The following ARHGEF26 variants were observed in gnomAD, a reference collection of about 807,000 sequenced individuals.
The protein encoded by ARHGEF26 is Rho guanine nucleotide exchange factor (GEF) 26.
In ARHGEF26, 59 loss-of-function variants were observed where a neutral mutation model predicts 89.4. That is an observed-to-expected ratio of 0.66 (90% CI 0.54 to 0.82). The LOEUF is 0.82. Ranked by LOEUF, ARHGEF26 falls within the 40% of genes least tolerant of loss-of-function variation. ARHGEF26 has a pLI of 0.00. For synonymous variants in ARHGEF26, 500 were observed against 428.4 expected, an observed-to-expected ratio of 1.17 and a Z score of -2.06; for missense variants, 1,234 against 1,085.6, an observed-to-expected ratio of 1.14 and a Z score of -1.92.
intron 9 of ARHGEF26, among the ~76,000 whole-genome samples, chr3:154,214,597 T>A (rs546923821): frequency 4.6e-5 from 7 of 152,084 alleles, no homozygotes; most frequent in Non-Finnish European, 8.8e-5. Context: ...CATGCTGAAT[T>A]TGAAATGGCT....
At chr3:154,175,803 T>A (rs1040170439) in intron 6 of ARHGEF26, among the ~76,000 whole-genome samples, 2 of 152,238 alleles carry the variant, frequency 1.3e-5, no homozygotes, top group African/African-American at 4.8e-5. Flanking sequence ...CCAGATGGTA[T>A]TTATTTTGCA....
chr3:154,226,542 T>A (rs995024807), intron 11 of ARHGEF26, among the ~76,000 whole-genome samples: 4 of 152,202 alleles, frequency 2.6e-5, no homozygotes, highest in Non-Finnish European at 5.9e-5. Context: ...AGAGTGTTTG[T>A]TCTTCTTACT....
chr3:154,179,089 T>C (rs906026454), intron 6 of ARHGEF26, among the ~76,000 whole-genome samples: 4 of 152,242 alleles, frequency 2.6e-5, no homozygotes, highest in African/African-American at 7.2e-5. Flanking sequence ...AAGCACTAGA[T>C]GTTTCATTAT....
At chr3:154,126,805 G>A (rs1328681895) in intron 3 of ARHGEF26, among the ~76,000 whole-genome samples, 1 of 152,156 alleles carries the variant, frequency 6.6e-6, no homozygotes, top group Non-Finnish European at 1.5e-5. Context: ...ATCACTTAAT[G>A]ATGAGGATAC....
Position 154,226,660 on chromosome 3 carries a change from T to TACACACACACACACAC in ARHGEF26, c.2090+671_2090+686dup, listed in dbSNP as rs3029724. On this transcript the variant is annotated intron_variant, in intron 11 of 14. Coordinates refer to ENST00000465093, the MANE Select transcript of ARHGEF26 (RefSeq NM_015595.4). The stretch of plus-strand genomic sequence containing the variant: ...TTCTTCTGTCAGACTGTTTCTGTTC[T>TACACACACACACACAC]ACACACACACACACACACACACACA... 3.6e-3 allele frequency among the ~76,000 whole-genome samples: 528 copies of TACACACACACACACAC among 148,154 alleles called. 1 individual carries two copies. The highest frequency in any genetic ancestry group is 0.01 in the Middle Eastern group (3 of 286).
At chr3:154,248,158 C>A (rs991900687) in intron 12 of ARHGEF26, among the ~76,000 whole-genome samples, 1 of 152,200 alleles carries the variant, frequency 6.6e-6, no homozygotes, top group Non-Finnish European at 1.5e-5. Flanking sequence ...CACAAACTTT[C>A]CTCACTCATT....
intron 5 of ARHGEF26, among the ~76,000 whole-genome samples, chr3:154,149,964 C>T (rs1476586045): frequency 2.0e-5 from 3 of 149,248 alleles, no homozygotes; most frequent in Non-Finnish European, 4.5e-5. Context: ...AGTTTTACAA[C>T]TTGAAGTTTA....
At chr3:154,150,517 A>C (rs562923058) in intron 5 of ARHGEF26, among the ~76,000 whole-genome samples, 12 of 152,234 alleles carry the variant, frequency 7.9e-5, no homozygotes, top group African/African-American at 2.6e-4. Flanking sequence ...TGTTTTTTAC[A>C]CTCAACATTA....
At chr3:154,184,262 G>A (rs765755326) in intron 6 of ARHGEF26, among the ~76,000 whole-genome samples, 5 of 152,088 alleles carry the variant, frequency 3.3e-5, no homozygotes, top group African/African-American at 9.7e-5. Flanking sequence ...GTGAGCCACC[G>A]TGCCCGGCCT....
At chr3:154,223,924 A>C (rs1716299511) in intron 10 of ARHGEF26, among the ~76,000 whole-genome samples, 1 of 152,066 alleles carries the variant, frequency 6.6e-6, no homozygotes, top group Non-Finnish European at 1.5e-5. Flanking sequence ...CTGCCCCATA[A>C]AATTAGTTAC....
chr3:154,256,997 T>G lies in ARHGEF26; in HGVS notation c.*1524T>G, dbSNP rs1181576540. ...TGTTCTATTTGCTTTAACAAAGGGA[T>G]AAAACCTGGCAAAGTGTACATTATT... On this transcript the variant is annotated 3_prime_UTR_variant, in exon 15 of 15. Coordinates refer to ENST00000465093, the MANE Select transcript of ARHGEF26 (RefSeq NM_015595.4). The G allele has an allele frequency of 2.6e-6, 4 of 1,513,950 alleles. No individual in the cohort carries two copies. In the East Asian group the frequency reaches 1.0e-4, roughly 38 times the overall value. 93.8% of individuals were successfully genotyped at this position (1,513,950 alleles called of 1,614,324 possible).
At chr3:154,128,235 A>G in intron 3 of ARHGEF26, among the ~76,000 whole-genome samples, 1 of 152,118 alleles carries the variant, frequency 6.6e-6, no homozygotes, top group East Asian at 1.9e-4. Flanking sequence ...CTGGTCACCC[A>G]CAACTCCCAT....
intron 9 of ARHGEF26, among the ~76,000 whole-genome samples, chr3:154,208,327 G>A (rs996732346): frequency 6.6e-6 from 1 of 152,164 alleles, no homozygotes; most frequent in Non-Finnish European, 1.5e-5. Context: ...GGGATTACAG[G>A]TGTGACCGCT....
rs139151651 is a variant in ARHGEF26, at chr3:154,257,634, G to GTGTT, written c.*2168_*2171dup. ...ATGGCAAGTATTTAACACATTCACA[G>GTGTT]TGTTTGTTTGATTTCAACTGTGAAT... is the stretch of plus-strand genomic sequence containing the variant. On this transcript the variant is annotated 3_prime_UTR_variant, in exon 15 of 15. Coordinates refer to ENST00000465093, the MANE Select transcript of ARHGEF26 (RefSeq NM_015595.4). 2.6e-4 allele frequency: 38 copies of GTGTT among 146,378 alleles called. No individual in the cohort carries two copies. The highest frequency in any genetic ancestry group is 2.2e-3 in the Admixed American group (32 of 14,304). 9.1% of individuals were successfully genotyped at this position (146,378 alleles called of 1,614,324 possible).
rs1172085479 is a variant in ARHGEF26, at chr3:154,187,841, A to G, written c.1640+4A>G. The G allele has an allele frequency of 6.2e-7, 1 of 1,605,860 alleles. No homozygotes were observed. Among genetic ancestry groups the G allele is most frequent in the East Asian group, 2.2e-5 (1 of 44,780 alleles). On this transcript the variant is annotated splice_donor_region_variant and intron_variant, in intron 7 of 14. Coordinates refer to ENST00000465093, the MANE Select transcript of ARHGEF26 (RefSeq NM_015595.4). ...AACGAACACTACAAAAATTGTTGTA[A>G]GCAATGTCGAATGCTACAGTTTTAA...
rs780922283 is a variant in ARHGEF26, at chr3:154,218,800, G to A, written c.1935+842G>A. On this transcript the variant is annotated intron_variant, in intron 10 of 14. Coordinates refer to ENST00000465093, the MANE Select transcript of ARHGEF26 (RefSeq NM_015595.4). ...TTGGCAGCATATATACTAGAATTGA[G>A]GATCACTGATATAGTCCAGCTACAC... is the stretch of plus-strand genomic sequence containing the variant. Among the ~76,000 whole-genome samples, 20 of 152,138 alleles carry A rather than the reference G, an allele frequency of 1.3e-4. 1 individual carries two copies. The highest frequency in any genetic ancestry group is 8.3e-4 in the South Asian group (4 of 4,824).
intron 3 of ARHGEF26, among the ~76,000 whole-genome samples, chr3:154,126,751 T>C (rs1718354497): frequency 6.6e-6 from 1 of 152,130 alleles, no homozygotes. Flanking sequence ...ACCCAAGCTT[T>C]TGCCACGTTG....
intron 7 of ARHGEF26, 115 bp downstream of exon 7, chr3:154,187,952 A>C: frequency 9.6e-7 from 1 of 1,039,916 alleles, no homozygotes; most frequent in Non-Finnish European, 1.3e-6. Flanking sequence ...CTGATAGGCT[A>C]TTTCCCAGAG....
At chr3:154,124,191 G>A (rs914104303) in intron 2 of ARHGEF26, among the ~76,000 whole-genome samples, 2 of 152,042 alleles carry the variant, frequency 1.3e-5, no homozygotes, top group African/African-American at 4.8e-5. Flanking sequence ...AGGGTGTGGG[G>A]GATCTTGTAC....
Sources: gnomAD v4.1 joint callset for allele counts (sites outside exome capture counted in the v4.1 genomes callset) on GRCh38, gnomAD v4.1.1 for gene constraint, MANE v1.5 for transcripts, NCBI Gene and HGNC (gene_info 2026-07-23, HGNC 2026-07-21) for gene names.